Variants in TRPM3 observed in about 807,000 individuals in gnomAD.
TRPM3 encodes the protein long transient receptor potential channel 3.
A neutral mutation model predicts 181.2 loss-of-function variants in TRPM3; 77 were observed. That is an observed-to-expected ratio of 0.42 (90% CI 0.35 to 0.51). The LOEUF is 0.51. Among genes scored for constraint, TRPM3 ranks in the 20% least tolerant of loss-of-function variants. The pLI is 0.01. For synonymous variants in TRPM3, 745 were observed against 796.4 expected (o/e 0.94, Z 1.09); for missense variants, 1,759 against 2,196.7 (o/e 0.80, Z 3.98).
chr9:70,590,322 C>T (rs149391334), intron 22 of TRPM3, among the ~76,000 whole-genome samples: 4 of 152,122 alleles, frequency 2.6e-5, no homozygotes, highest in Non-Finnish European at 5.9e-5. Context: ...TACAGAGAAT[C>T]GGCATCTATT....
intron 1 of TRPM3, among the ~76,000 whole-genome samples, chr9:71,324,181 C>G (rs1254512155): frequency 6.6e-6 from 1 of 151,874 alleles, no homozygotes; most frequent in African/African-American, 2.4e-5. Flanking sequence ...GAGTATATGA[C>G]TTTATTAATA....
intron 1 of TRPM3, among the ~76,000 whole-genome samples, chr9:71,272,864 T>C (rs927672393): frequency 7.9e-5 from 12 of 150,980 alleles, no homozygotes; most frequent in Non-Finnish European, 1.8e-4. Context: ...GAACATTGTA[T>C]GAAAGCGGTA....
intron 8 of TRPM3, among the ~76,000 whole-genome samples, chr9:70,740,035 CCATTTGCTGATGATATGAT>C (rs1238876504): frequency 6.6e-6 from 1 of 152,120 alleles, no homozygotes; most frequent in Non-Finnish European, 1.5e-5. Context: ...CAAACTGTTG[CCATTTGCTGATGATATGAT>C]CATATACCTA....
At chr9:71,007,490 C>T (rs1241203846) in intron 1 of TRPM3, among the ~76,000 whole-genome samples, 1 of 151,700 alleles carries the variant, frequency 6.6e-6, no homozygotes, top group East Asian at 1.9e-4. Flanking sequence ...TCTTAACAAA[C>T]TTAAAAAAAA....
chr9:71,174,871 G>A (rs560389087), intron 1 of TRPM3, among the ~76,000 whole-genome samples: 34 of 152,156 alleles, frequency 2.2e-4, no homozygotes, highest in African/African-American at 7.5e-4. Flanking sequence ...AGAGGACAGC[G>A]CACTTGACCA....
At chr9:71,418,689 C>T (rs994715452) in intron 1 of TRPM3, among the ~76,000 whole-genome samples, 2 of 150,712 alleles carry the variant, frequency 1.3e-5, no homozygotes, top group South Asian at 2.1e-4. Flanking sequence ...GAGGATGCCC[C>T]TTTGTCTCAA....
At chr9:71,015,005 C>T (rs1449131781) in intron 1 of TRPM3, among the ~76,000 whole-genome samples, 1 of 151,910 alleles carries the variant, frequency 6.6e-6, no homozygotes, top group Non-Finnish European at 1.5e-5. Flanking sequence ...TTTCTTTGCA[C>T]TAATGCCTTT....
chr9:70,894,741 T>G (rs901140079), intron 1 of TRPM3, among the ~76,000 whole-genome samples: 3 of 152,180 alleles, frequency 2.0e-5, no homozygotes, highest in Non-Finnish European at 4.4e-5. Flanking sequence ...AAAATATATA[T>G]AGCACTCAAC....
At chr9:70,875,340 G>A (rs1304832201) in intron 1 of TRPM3, among the ~76,000 whole-genome samples, 1 of 151,812 alleles carries the variant, frequency 6.6e-6, no homozygotes, top group Non-Finnish European at 1.5e-5. Context: ...GAAAATAAGA[G>A]ATCTTTTTAA....
intron 5 of TRPM3, among the ~76,000 whole-genome samples, chr9:70,830,496 T>C (rs1486539907): frequency 6.6e-6 from 1 of 152,214 alleles, no homozygotes; most frequent in Non-Finnish European, 1.5e-5. Flanking sequence ...TTTCAATTTC[T>C]TCATCTTACT....
At chr9:71,334,778 T>G (rs984493859) in intron 1 of TRPM3, among the ~76,000 whole-genome samples, 1 of 152,168 alleles carries the variant, frequency 6.6e-6, no homozygotes, top group South Asian at 2.1e-4. Context: ...TTTAACTTAA[T>G]TAGCTTAAAT....
At chr9:70,886,434 G>GC (rs2096083398) in intron 1 of TRPM3, among the ~76,000 whole-genome samples, 2 of 152,094 alleles carry the variant, frequency 1.3e-5, no homozygotes, top group African/African-American at 4.8e-5. Flanking sequence ...TTCCCTCAGT[G>GC]CCTTGTGCCT....
intron 1 of TRPM3, among the ~76,000 whole-genome samples, chr9:70,887,864 T>C (rs1299736346): frequency 6.6e-6 from 1 of 152,230 alleles, no homozygotes; most frequent in African/African-American, 2.4e-5. Context: ...TAAAGTACTA[T>C]GTATCTTTCC....
chr9:71,279,363 C>T (rs7850256), intron 1 of TRPM3, among the ~76,000 whole-genome samples: 37,644 of 152,064 alleles, frequency 0.25, 5,129 homozygotes, highest in Middle Eastern at 0.45. Context: ...GGCTTACTGA[C>T]GTTCTCCAGG....
chr9:71,057,638 G>A (rs1013085997), intron 1 of TRPM3, among the ~76,000 whole-genome samples: 1 of 151,998 alleles, frequency 6.6e-6, no homozygotes. Flanking sequence ...GTTATCATTT[G>A]CCTTTTATAG....
chr9:70,676,890 A>C (rs2064142498), intron 9 of TRPM3, among the ~76,000 whole-genome samples: 1 of 151,840 alleles, frequency 6.6e-6, no homozygotes. Flanking sequence ...GGTCATAGAG[A>C]CCAGAACCCC....
At chr9:71,259,646 T>A (rs542343859) in intron 1 of TRPM3, among the ~76,000 whole-genome samples, 4 of 152,242 alleles carry the variant, frequency 2.6e-5, no homozygotes, top group Non-Finnish European at 5.9e-5. Flanking sequence ...TGACTAGTGA[T>A]GATGAGCCTT....
intron 1 of TRPM3, among the ~76,000 whole-genome samples, chr9:71,135,869 A>C (rs1587581353): frequency 6.6e-6 from 1 of 152,238 alleles, no homozygotes. Flanking sequence ...CTAATACAAA[A>C]TACAAACATT....
At chr9:70,603,262 G>C in intron 20 of TRPM3, 80 bp downstream of exon 20, 1 of 1,495,606 alleles carries the variant, frequency 6.7e-7, no homozygotes, top group Admixed American at 2.0e-5. Flanking sequence ...TGCATCCCAG[G>C]CATCTTCCTG....
Sources: gnomAD v4.1 joint callset for allele counts (sites outside exome capture counted in the v4.1 genomes callset) on GRCh38, gnomAD v4.1.1 for gene constraint, MANE v1.5 for transcripts, NCBI Gene and HGNC (gene_info 2026-07-23, HGNC 2026-07-21) for gene names.